PATZ1: variants seen among roughly 807,000 people sequenced by gnomAD.
The protein encoded by PATZ1 is POZ/BTB and AT hook containing zinc finger 1, also known as POZ-, AT hook-, and zinc finger-containing protein 1.
A neutral mutation model predicts 46.2 loss-of-function variants in PATZ1; 9 were observed. That is an observed-to-expected ratio of 0.19 (90% CI 0.12 to 0.34). PATZ1 has a LOEUF of 0.34. Among genes scored for constraint, PATZ1 ranks in the 10% least tolerant of loss-of-function variants. The pLI, the probability that PATZ1 is intolerant of heterozygous loss-of-function variation, is 1.00. For synonymous variants in PATZ1, 426 were observed against 378.6 expected, an observed-to-expected ratio of 1.13 and a Z score of -1.45; for missense variants, 632 against 923.0, an observed-to-expected ratio of 0.68 and a Z score of 4.08.
rs563983157 is a variant in PATZ1, at chr22:31,336,991, T to C, written c.1336-1128A>G. On this transcript the variant is annotated intron_variant, in intron 2 of 4. Coordinates refer to ENST00000266269, the MANE Select transcript of PATZ1 (RefSeq NM_014323.3). Reference sequence around the variant, plus strand: ...CAGGCATGGTGGCAGGTGCCTGTAGTCCCAGCTACTCGGGAGGCTGAGGCG... The same window carrying C: ...CAGGCATGGTGGCAGGTGCCTGTAGCCCCAGCTACTCGGGAGGCTGAGGCG... Among the ~76,000 whole-genome samples, 4 of 150,970 alleles carry C rather than the reference T, an allele frequency of 2.6e-5. No homozygotes were observed. The East Asian group carries it at 5.8e-4, about 22-fold the overall frequency.
chr22:31,342,788 G>A lies in PATZ1; in HGVS notation c.1335+109C>T, dbSNP rs555922481. On this transcript the variant is annotated intron_variant, in intron 2 of 4. Transcript: ENST00000266269. ...GGAACAGAGGGGAGGTGTGCAAAGCGGTGGGCGGTCAGCCGGGCCCCCGGC... is the reference window on the plus strand; with the variant it reads ...GGAACAGAGGGGAGGTGTGCAAAGCAGTGGGCGGTCAGCCGGGCCCCCGGC... 8.4e-5 allele frequency: 96 copies of A among 1,137,440 alleles called. No individual in the cohort carries two copies. In the East Asian group the frequency reaches 1.6e-3, roughly 19 times the overall value. 70.5% of individuals were successfully genotyped at this position (1,137,440 alleles called of 1,614,324 possible). A position where few individuals can be genotyped will look rare whatever the true frequency, so the allele number is the denominator to read the frequency against.
At position 31,328,709 on chromosome 22, in the gene PATZ1, G is replaced by T; in HGVS notation, c.1645+78C>A. 1 of 1,384,492 alleles carries T rather than the reference G, an allele frequency of 7.2e-7. No individual in the cohort carries two copies. The highest frequency in any genetic ancestry group is 1.0e-6 in the Non-Finnish European group (1 of 976,316). The allele number at this position is 1,384,492 out of a possible 1,614,324, so 85.8% of individuals were successfully genotyped here. ...CAGCCAGAAAGCCGGCAGCCTTCCCGCCTCCCCACGCCCAGCCCAGCGCCC... is the reference window on the plus strand; with the variant it reads ...CAGCCAGAAAGCCGGCAGCCTTCCCTCCTCCCCACGCCCAGCCCAGCGCCC... On this transcript the variant is annotated intron_variant, in intron 4 of 4. Transcript: ENST00000266269. The surrounding 1 kb of genome is among the most constrained non-coding windows in gnomAD (Gnocchi z 4.8).
At chr22:31,332,592 G>T (rs2049456772) in intron 3 of PATZ1, among the ~76,000 whole-genome samples, 1 of 152,242 alleles carries the variant, frequency 6.6e-6, no homozygotes, top group South Asian at 2.1e-4. Context: ...TCCTTTGGCA[G>T]GTTCCACATC....
At position 31,346,126 on chromosome 22, in the gene PATZ1, C is replaced by G. The variant is rs2049656144; in HGVS notation, c.-524G>C. The G allele has an allele frequency of 6.7e-6, 1 of 149,602 alleles. No homozygotes were observed. Among genetic ancestry groups the G allele is most frequent in the Admixed American group, 6.7e-5 (1 of 14,920 alleles). 9.3% of individuals were successfully genotyped at this position (149,602 alleles called of 1,614,324 possible). A position where few individuals can be genotyped will look rare whatever the true frequency, so the allele number is the denominator to read the frequency against. ...GGCGGGGGCGCCGGAGCGGAGGAAACAAAAGGCGAAGGCGAAGGCGGCGGC... is the reference window on the plus strand; with the variant it reads ...GGCGGGGGCGCCGGAGCGGAGGAAAGAAAAGGCGAAGGCGAAGGCGGCGGC... On this transcript the variant is annotated 5_prime_UTR_variant, in exon 1 of 5. Transcript: ENST00000266269.
chr22:31,341,284 AG>A, intron 2 of PATZ1: 2 of 1,444,304 alleles, frequency 1.4e-6, no homozygotes. Context: ...CGAGTCACCC[AG>A]GGAGGAGCTG....
Position 31,326,278 on chromosome 22 carries a change from GT to G in PATZ1, c.*612del, listed in dbSNP as rs2049369707. ...GGGGGTGTCCTCAACAGCTGAGCTT[GT>G]CCTAGCAGTGAAAATGCTCGCCTCC... is the stretch of plus-strand genomic sequence containing the variant. On this transcript the variant is annotated 3_prime_UTR_variant, in exon 5 of 5. Coordinates refer to ENST00000266269, the MANE Select transcript of PATZ1 (RefSeq NM_014323.3). 5.2e-5 allele frequency: 12 copies of G among 229,182 alleles called. No homozygotes were observed. The Admixed American group carries it at 6.8e-4, about 13-fold the overall frequency. The allele number at this position is 229,182 out of a possible 1,614,324, so 14.2% of individuals were successfully genotyped here.
rs1489587238 is a variant in PATZ1 at position 31,345,569 on chromosome 22, A to C, written c.34T>G (p.Ser12Ala). 4 of 1,597,732 alleles carry C rather than the reference A, an allele frequency of 2.5e-6. No individual in the cohort carries two copies. The African/African-American group carries it at 5.4e-5, about 21-fold the overall frequency. ...ERVNDASCGP[S>A]GCYTYQVSRH... ...CTCACCTGGTATGTGTAGCAGCCAG[A>C]CGGGCCGCACGAAGCGTCGTTCACC... The change falls in exon 1 of 5, where the codon TCT becomes GCT. Residue 12 changes from serine (S) to alanine (A), a missense_variant. Ser to Ala is a moderately conservative substitution (Grantham distance 99). Around this residue, in one of 7 missense-constraint regions of PATZ1, gnomAD observed 30 missense variants for 27.7 expected, o/e 1.08. Coordinates refer to ENST00000266269, the MANE Select transcript of PATZ1 (RefSeq NM_014323.3). The surrounding 1 kb of genome is among the most constrained non-coding windows in gnomAD (Gnocchi z 7.4).
intron 1 of PATZ1, among the ~76,000 whole-genome samples, chr22:31,343,903 C>CT (rs1432478274): frequency 6.6e-6 from 1 of 152,188 alleles, no homozygotes; most frequent in Non-Finnish European, 1.5e-5. Context: ...AATCTGGTGC[C>CT]TCAAGAGTGT....
chr22:31,345,929 G>A lies in PATZ1; in HGVS notation c.-327C>T, dbSNP rs898345690. On this transcript the variant is annotated 5_prime_UTR_variant, in exon 1 of 5. Transcript: ENST00000266269. This position sits in a 1 kb window ranked among gnomAD's most constrained non-coding sequence, Gnocchi z 7.4. ...GAAGAGGTGCGCCCCTCCTGCAAAC[G>A]CGCCTGCCACCTCCCCTCCCGCCCG... 6 of 293,918 alleles carry A rather than the reference G, an allele frequency of 2.0e-5. No individual in the cohort carries two copies. The highest frequency in any genetic ancestry group is 3.1e-5 in the Non-Finnish European group (5 of 159,096). The allele number at this position is 293,918 out of a possible 1,614,324, so 18.2% of individuals were successfully genotyped here. A position where few individuals can be genotyped will look rare whatever the true frequency, so the allele number is the denominator to read the frequency against.
At chr22:31,338,460 T>C (rs1181370633) in intron 2 of PATZ1, among the ~76,000 whole-genome samples, 1 of 152,236 alleles carries the variant, frequency 6.6e-6, no homozygotes, top group African/African-American at 2.4e-5. Flanking sequence ...GAAAGCACCA[T>C]GGATGCTTGC....
intron 2 of PATZ1, chr22:31,340,577 G>T: frequency 3.6e-6 from 2 of 557,524 alleles, no homozygotes; most frequent in South Asian, 1.6e-4. Context: ...CTGTGAGAGT[G>T]TATGTTGGGA....
chr22:31,330,255 C>T (rs1460931675), intron 3 of PATZ1, among the ~76,000 whole-genome samples: 4 of 152,014 alleles, frequency 2.6e-5, no homozygotes, highest in Non-Finnish European at 5.9e-5. Flanking sequence ...TTGCCCAACA[C>T]CCTTTGTGCT....
At position 31,342,939 on chromosome 22, in the gene PATZ1, A is replaced by G. The variant is rs1569028862; in HGVS notation, c.1293T>C (p.His431=). 1.2e-6 allele frequency: 2 copies of G among 1,613,986 alleles called. No individual in the cohort carries two copies. Among genetic ancestry groups the G allele is most frequent in the African/African-American group, 1.3e-5 (1 of 75,014 alleles). The change falls in exon 2 of 5, where the codon CAT becomes CAC. Residue 431 remains histidine, a synonymous_variant. Transcript: ENST00000266269. The part of the protein sequence containing the change: ...GFSRPDHLNG[H]IKQVHTSERP... ...GCTCAGAAGTGTGCACCTGCTTGAT[A>G]TGTCCGTTCAAGTGATCAGGCCTGG...
At chr22:31,338,878 C>CT (rs1270088915) in intron 2 of PATZ1, among the ~76,000 whole-genome samples, 1 of 152,150 alleles carries the variant, frequency 6.6e-6, no homozygotes, top group East Asian at 1.9e-4. Context: ...GAAACCCCGT[C>CT]TCTACTAAAA....
In PATZ1 at chr22:31,326,807, A is replaced by G. The variant is rs969375738; in HGVS notation, c.*84T>C. ...ATGAATAAAAATCTCTCAGCTACAG[A>G]ACCCAAACATCACTTCCCTCCGCAT... is the stretch of plus-strand genomic sequence containing the variant. On this transcript the variant is annotated 3_prime_UTR_variant, in exon 5 of 5. Transcript: ENST00000266269. The G allele has an allele frequency of 2.7e-5, 34 of 1,246,386 alleles. No individual in the cohort carries two copies. Among genetic ancestry groups the G allele is most frequent in the African/African-American group, 4.5e-5 (3 of 66,146 alleles). 77.2% of individuals were successfully genotyped at this position (1,246,386 alleles called of 1,614,324 possible). A position where few individuals can be genotyped will look rare whatever the true frequency, so the allele number is the denominator to read the frequency against.
chr22:31,345,459 G>C lies in PATZ1; in HGVS notation c.144C>G (p.Gly48=), dbSNP rs1220958502. 1 of 1,611,256 alleles carries C rather than the reference G, an allele frequency of 6.2e-7. No individual in the cohort carries two copies. The highest frequency in any genetic ancestry group is 1.1e-5 in the South Asian group (1 of 90,942). The part of the protein sequence containing the change: ...GRFCDVLLRV[G]DESFPAHRAV... ...CGCGGTGCGCTGGGAAGCTCTCGTC[G>C]CCTACCCGCAAGAGCACGTCGCAGA... The change falls in exon 1 of 5, where the codon GGC becomes GGG. Residue 48 remains glycine (G), a synonymous_variant. Coordinates refer to ENST00000266269, the MANE Select transcript of PATZ1 (RefSeq NM_014323.3). The surrounding 1 kb of genome is among the most constrained non-coding windows in gnomAD (Gnocchi z 7.4).
chr22:31,334,828 G>A (rs934706201), intron 3 of PATZ1, among the ~76,000 whole-genome samples: 2 of 152,072 alleles, frequency 1.3e-5, no homozygotes, highest in Admixed American at 6.5e-5. Flanking sequence ...GCAGGCTTTC[G>A]GAAGCATTGG....
intron 2 of PATZ1, chr22:31,341,131 G>C: frequency 1.7e-6 from 2 of 1,169,288 alleles, no homozygotes; most frequent in Non-Finnish European, 2.1e-6. Flanking sequence ...AAATCACCTA[G>C]GCAAGGACAG....
At chr22:31,338,833 T>C (rs1402961653) in intron 2 of PATZ1, among the ~76,000 whole-genome samples, 1 of 152,132 alleles carries the variant, frequency 6.6e-6, no homozygotes, top group Non-Finnish European at 1.5e-5. Context: ...TGGATCACAA[T>C]GTCAGAAGTT....
Sources: allele counts gnomAD v4.1 joint callset (sites outside exome capture counted in the v4.1 genomes callset), GRCh38; gene constraint gnomAD v4.1.1; regional missense constraint gnomAD v4.1.1; non-coding constraint Gnocchi (gnomAD v3.1); transcripts MANE v1.5; gene names NCBI Gene and HGNC (gene_info 2026-07-23, HGNC 2026-07-21).